Variants in SGPL1 observed in about 807,000 individuals in gnomAD.
SGPL1 encodes SP-lyase 1.
In SGPL1, 37 loss-of-function variants were observed where a neutral mutation model predicts 68.9. The ratio of observed to expected loss-of-function variants is 0.54; its 90% confidence interval spans 0.41 to 0.71. The LOEUF is 0.71. Ranked by LOEUF, SGPL1 falls within the 30% of genes least tolerant of loss-of-function variation. The probability of loss-of-function intolerance (pLI) is 0.00; values close to 1 mark genes in which losing one functional copy is unlikely to be tolerated. For missense variants in SGPL1, 551 were observed against 704.6 expected (o/e 0.78, Z 2.47); for synonymous variants, 236 against 248.5 (o/e 0.95, Z 0.47).
chr10:70,874,039 G>A (rs964150525), intron 12 of SGPL1, among the ~76,000 whole-genome samples: 1 of 152,182 alleles, frequency 6.6e-6, no homozygotes, highest in Non-Finnish European at 1.5e-5. Flanking sequence ...AGATACTGAT[G>A]CTACTGCTCC....
chr10:70,872,454 A>T (rs530912198), intron 11 of SGPL1, among the ~76,000 whole-genome samples: 1 of 152,306 alleles, frequency 6.6e-6, no homozygotes, highest in Admixed American at 6.5e-5. Flanking sequence ...AAATGGGAAG[A>T]ACCTGTGTGC....
intron 2 of SGPL1, among the ~76,000 whole-genome samples, chr10:70,839,275 A>C (rs1477908581): frequency 6.6e-6 from 1 of 151,390 alleles, no homozygotes; most frequent in Non-Finnish European, 1.5e-5. Context: ...CCTACTACTA[A>C]GGTTTATAAG....
rs945008179 is a variant in SGPL1 at position 70,879,785 on chromosome 10, A to G, written c.*2450A>G. On this transcript the variant is annotated 3_prime_UTR_variant, in exon 15 of 15. Coordinates refer to ENST00000373202, the MANE Select transcript of SGPL1 (RefSeq NM_003901.4). ...GACTTAACACTTTTGTAGGCTTTTC[A>G]TTGTGTATTTTTGTGTATGTGTGCA... is the stretch of plus-strand genomic sequence containing the variant. 1 of 152,534 alleles carries G rather than the reference A, an allele frequency of 6.6e-6. No homozygotes were observed. The highest frequency in any genetic ancestry group is 1.5e-5 in the Non-Finnish European group (1 of 68,006). 9.4% of individuals were successfully genotyped at this position (152,534 alleles called of 1,614,324 possible). A position where few individuals can be genotyped will look rare whatever the true frequency, so the allele number is the denominator to read the frequency against.
At chr10:70,862,143 G>A (rs564626459) in intron 7 of SGPL1, among the ~76,000 whole-genome samples, 1 of 152,370 alleles carries the variant, frequency 6.6e-6, no homozygotes, top group South Asian at 2.1e-4. Context: ...TGGAGCCTTG[G>A]AGAACCTTTA....
intron 5 of SGPL1, among the ~76,000 whole-genome samples, chr10:70,855,312 G>T (rs1845946947): frequency 6.6e-6 from 1 of 152,172 alleles, no homozygotes; most frequent in Non-Finnish European, 1.5e-5. Flanking sequence ...ATCTATATAT[G>T]TATATCTGTC....
At chr10:70,867,188 A>G (rs964296736) in intron 7 of SGPL1, among the ~76,000 whole-genome samples, 2 of 152,170 alleles carry the variant, frequency 1.3e-5, no homozygotes, top group Admixed American at 1.3e-4. Flanking sequence ...TCATTCTCAT[A>G]TATTATTTTT....
rs544865571 is a variant in SGPL1, at chr10:70,864,818, G to A, written c.616-3527G>A. On this transcript the variant is annotated intron_variant, in intron 7 of 14. Coordinates refer to ENST00000373202, the MANE Select transcript of SGPL1 (RefSeq NM_003901.4). ...GCTTCCTGTCTGAGACCATTTGGCT[G>A]GGGACAAAGCTCAGCCAAAGCTTTG... 2.0e-5 allele frequency among the ~76,000 whole-genome samples: 3 copies of A among 152,286 alleles called. No homozygotes were observed. In the East Asian group the frequency reaches 5.8e-4, roughly 29 times the overall value.
intron 7 of SGPL1, among the ~76,000 whole-genome samples, chr10:70,861,891 C>T (rs926404516): frequency 3.3e-5 from 5 of 152,340 alleles, no homozygotes; most frequent in African/African-American, 9.6e-5. Context: ...GGGCAGGGCT[C>T]GGGACCTGCA....
At chr10:70,874,903 T>C (rs1451380939) in intron 12 of SGPL1, among the ~76,000 whole-genome samples, 1 of 152,114 alleles carries the variant, frequency 6.6e-6, no homozygotes, top group Non-Finnish European at 1.5e-5. Context: ...AGACCCTGTC[T>C]CAAATAAATA....
chr10:70,860,357 A>G (rs1243436431), intron 7 of SGPL1: 2 of 463,728 alleles, frequency 4.3e-6, no homozygotes, highest in Non-Finnish European at 8.9e-6. Flanking sequence ...GGCCCATTCG[A>G]AGAGCACCTA....
intron 2 of SGPL1, among the ~76,000 whole-genome samples, chr10:70,828,562 GC>G (rs1845475674): frequency 1.3e-5 from 2 of 152,130 alleles, no homozygotes; most frequent in Admixed American, 1.3e-4. Flanking sequence ...AAAGCCTACT[GC>G]ATTCTTGTTT....
intron 13 of SGPL1, among the ~76,000 whole-genome samples, chr10:70,875,994 C>T (rs1846378424): frequency 1.3e-5 from 2 of 152,194 alleles, no homozygotes; most frequent in Non-Finnish European, 2.9e-5. Context: ...TGCACCACTC[C>T]AACTGAGTAC....
chr10:70,826,381 C>T (rs533898836), intron 2 of SGPL1, among the ~76,000 whole-genome samples: 3 of 152,176 alleles, frequency 2.0e-5, no homozygotes, highest in African/African-American at 7.2e-5. Context: ...ATTCCGCTAT[C>T]AGTAGTGCAT....
intron 7 of SGPL1, among the ~76,000 whole-genome samples, chr10:70,863,555 G>A (rs1403825453): frequency 6.6e-6 from 1 of 151,986 alleles, no homozygotes; most frequent in African/African-American, 2.4e-5. Flanking sequence ...GGCCTAGATT[G>A]AAGTTAAGTC....
intron 7 of SGPL1, among the ~76,000 whole-genome samples, chr10:70,864,284 C>G (rs961250185): frequency 6.6e-6 from 1 of 152,204 alleles, no homozygotes; most frequent in Non-Finnish European, 1.5e-5. Flanking sequence ...AGACTTCCAA[C>G]CATCGCAGTC....
intron 2 of SGPL1, among the ~76,000 whole-genome samples, chr10:70,840,126 C>T (rs1845691663): frequency 6.6e-6 from 1 of 152,044 alleles, no homozygotes; most frequent in Admixed American, 6.6e-5. Context: ...AAAGAAAACT[C>T]TTGGGATGCT....
chr10:70,845,081 G>A (rs528266215), intron 3 of SGPL1, among the ~76,000 whole-genome samples: 1 of 152,174 alleles, frequency 6.6e-6, no homozygotes, highest in South Asian at 2.1e-4. Context: ...ATGTAAAGCA[G>A]TACTTTGTCT....
chr10:70,873,410 C>T lies in SGPL1; in HGVS notation c.1119C>T (p.Asn373=). Residue 373 remains asparagine (N), a synonymous_variant, in exon 12 of 15, where the codon AAC becomes AAT. Coordinates refer to ENST00000373202, the MANE Select transcript of SGPL1 (RefSeq NM_003901.4). Reference sequence around the variant, plus strand: ...TGTATAGTGACAAGAAGTACAGGAACTATCAGTTCTTCGTCGATACAGATT... The same window carrying T: ...TGTATAGTGACAAGAAGTACAGGAATTATCAGTTCTTCGTCGATACAGATT... ...LVLYSDKKYR[N]YQFFVDTDWQ... The T allele has an allele frequency of 6.2e-7, 1 of 1,614,272 alleles. No homozygotes were observed.
At chr10:70,868,581 C>T (rs1360132703) in intron 8 of SGPL1, 148 bp downstream of exon 8, 6 of 649,486 alleles carry the variant, frequency 9.2e-6, no homozygotes, top group Admixed American at 7.6e-5. Context: ...CCCCTCTGCC[C>T]TTATCCTTTT....
Sources: gnomAD v4.1 joint callset for allele counts (sites outside exome capture counted in the v4.1 genomes callset) on GRCh38, gnomAD v4.1.1 for gene constraint, MANE v1.5 for transcripts, NCBI Gene and HGNC (gene_info 2026-07-23, HGNC 2026-07-21) for gene names.